Variants in GSTA3 observed in about 807,000 individuals in gnomAD.
GSTA3 encodes the protein glutathione S-transferase alpha 3, also known as glutathione S-transferase A3.
Under a neutral mutation model 23.1 loss-of-function variants are expected in GSTA3, and 16 were observed. The observed-to-expected ratio is 0.69, with a 90% CI of 0.47 to 1.05. The LOEUF (loss-of-function observed/expected upper bound fraction) is 1.05, where lower values mean the gene tolerates loss of function less well. Ranked by LOEUF, GSTA3 falls within the 50% of genes least tolerant of loss-of-function variation. The pLI, the probability that GSTA3 is intolerant of heterozygous loss-of-function variation, is 0.00. For synonymous variants in GSTA3, 122 were observed against 91.0 expected, an observed-to-expected ratio of 1.34 and a Z score of -1.94; for missense variants, 319 against 263.6, an observed-to-expected ratio of 1.21 and a Z score of -1.46.
At chr6:52,901,168 T>C (rs1428007191) in intron 4 of GSTA3, among the ~76,000 whole-genome samples, 4 of 152,226 alleles carry the variant, frequency 2.6e-5, no homozygotes, top group African/African-American at 9.6e-5. Flanking sequence ...AATTATAGTA[T>C]TCAGTCACTT....
intron 2 of GSTA3, 36 bp from the exon 3 acceptor site, chr6:52,903,763 T>C (rs1459506725): frequency 7.9e-7 from 1 of 1,272,534 alleles, no homozygotes; most frequent in Non-Finnish European, 1.1e-6. Flanking sequence ...TCTTGTTAGT[T>C]CGTTCCATAG....
rs1765608473 is a variant in GSTA3 at position 52,899,940 on chromosome 6, G to C, written c.408C>G (p.Phe136Leu). Reference protein sequence around the residue: ...EKTKSRYFPAFEKVLQSHGQD... With the variant: ...EKTKSRYFPALEKVLQSHGQD... ...GCTGAACAGCTTCACCTACTTTTTC[G>C]AAGGCAGGGAAATAGCGACTTTTTG... Residue 136 changes from phenylalanine (F) to leucine (L), a missense_variant, in exon 5 of 7, where the codon TTC (phenylalanine) becomes TTG (leucine). Transcript: ENST00000211122. 1 of 1,613,502 alleles carries C rather than the reference G, an allele frequency of 6.2e-7. No individual in the cohort carries two copies.
chr6:52,902,202 C>T, intron 4 of GSTA3, 144 bp downstream of exon 4: 2 of 896,278 alleles, frequency 2.2e-6, no homozygotes, highest in Non-Finnish European at 3.5e-6. Context: ...CCCCATGGGA[C>T]TCTGCAATAC....
chr6:52,901,750 C>T (rs1765693277), intron 4 of GSTA3, among the ~76,000 whole-genome samples: 2 of 152,212 alleles, frequency 1.3e-5, no homozygotes, highest in Non-Finnish European at 2.9e-5. Flanking sequence ...CCTATTGCAA[C>T]AGTGAGGAGA....
At chr6:52,900,098 G>A in intron 4 of GSTA3, 23 bp from the exon 5 acceptor site, 1 of 1,587,608 alleles carries the variant, frequency 6.3e-7, no homozygotes, top group East Asian at 2.3e-5. Context: ...AACAGCCAAA[G>A]CATCAAATGC....
intron 4 of GSTA3, among the ~76,000 whole-genome samples, chr6:52,901,876 G>A (rs999140370): frequency 2.0e-5 from 3 of 152,186 alleles, no homozygotes; most frequent in African/African-American, 7.2e-5. Context: ...AAGTTGACCA[G>A]TCCATATAAT....
Position 52,905,873 on chromosome 6 carries a change from A to T in GSTA3, c.-21-18T>A, listed in dbSNP as rs45489497. On this transcript the variant is annotated intron_variant, in intron 1 of 6. Coordinates refer to ENST00000211122, the MANE Select transcript of GSTA3 (RefSeq NM_000847.5). ...TGGTTTCTCTAAAATGAATGAATGA[A>T]TGCATGAATGGATGAATGAATGAGT... 1.4e-5 allele frequency: 16 copies of T among 1,184,842 alleles called. No individual in the cohort carries two copies. The South Asian group carries it at 2.0e-4, about 15-fold the overall frequency. The allele number at this position is 1,184,842 out of a possible 1,614,324, so 73.4% of individuals were successfully genotyped here. A position where few individuals can be genotyped will look rare whatever the true frequency, so the allele number is the denominator to read the frequency against.
intron 4 of GSTA3, among the ~76,000 whole-genome samples, chr6:52,901,279 C>T (rs1765675327): frequency 6.6e-6 from 1 of 152,170 alleles, no homozygotes. Context: ...TATTCATTTT[C>T]CCCAAACCCC....
chr6:52,908,777 G>C (rs1487354519), intron 1 of GSTA3, among the ~76,000 whole-genome samples: 3 of 152,162 alleles, frequency 2.0e-5, no homozygotes, highest in Non-Finnish European at 4.4e-5. Context: ...CTGTTGGACA[G>C]GGAATATAAC....
intron 1 of GSTA3, among the ~76,000 whole-genome samples, chr6:52,908,587 C>A (rs1765971518): frequency 6.6e-6 from 1 of 152,188 alleles, no homozygotes; most frequent in South Asian, 2.1e-4. Context: ...TTATGAAACC[C>A]ACCAATCTGC....
chr6:52,902,055 A>T (rs1256474460), intron 4 of GSTA3, among the ~76,000 whole-genome samples: 2 of 152,156 alleles, frequency 1.3e-5, no homozygotes, highest in African/African-American at 4.8e-5. Flanking sequence ...GAGCACCTGG[A>T]ATCATTATTC....
intron 6 of GSTA3, among the ~76,000 whole-genome samples, chr6:52,897,522 T>A (rs1272250890): frequency 1.3e-5 from 2 of 152,138 alleles, no homozygotes; most frequent in South Asian, 2.1e-4. Context: ...ATAAAGGGAA[T>A]CACAGAACTC....
chr6:52,896,986 A>G, intron 6 of GSTA3, 58 bp from the exon 7 acceptor site: 1 of 1,605,412 alleles, frequency 6.2e-7, no homozygotes, highest in Non-Finnish European at 8.5e-7. Context: ...CACCATTAAT[A>G]CCACCCAGGG....
At chr6:52,906,544 A>C (rs1765895571) in intron 1 of GSTA3, among the ~76,000 whole-genome samples, 1 of 152,238 alleles carries the variant, frequency 6.6e-6, no homozygotes, top group African/African-American at 2.4e-5. Context: ...GAGGCATCAC[A>C]CTATCTCACT....
At chr6:52,899,102 AGAGCAGGTAATCGGAATGGGTCAGGGTG>A (rs1765577991) in intron 5 of GSTA3, among the ~76,000 whole-genome samples, 4 of 151,996 alleles carry the variant, frequency 2.6e-5, no homozygotes, top group Non-Finnish European at 5.9e-5. Flanking sequence ...GAGTTAGGGT[AGAGCAGGTAATCGGAATGGGTCAGGGTG>A]GAGCAGGTGA....
intron 2 of GSTA3, among the ~76,000 whole-genome samples, chr6:52,904,688 C>G (rs1352321809): frequency 8.5e-5 from 13 of 152,132 alleles, no homozygotes; most frequent in Non-Finnish European, 1.6e-4. Flanking sequence ...GAGGAAAACC[C>G]TCAGGCAGTT....
At chr6:52,909,315 T>C (rs948058479) in intron 1 of GSTA3, among the ~76,000 whole-genome samples, 1 of 152,208 alleles carries the variant, frequency 6.6e-6, no homozygotes, top group African/African-American at 2.4e-5. Flanking sequence ...GAATACATGT[T>C]TTTAATAAAC....
chr6:52,902,569 T>C (rs1765728242), intron 3 of GSTA3, 91 bp from the exon 4 acceptor site: 2 of 1,318,408 alleles, frequency 1.5e-6, no homozygotes, highest in Admixed American at 2.2e-5. Flanking sequence ...ACTGAGGTTA[T>C]AAAATGAAAA....
Position 52,896,926 on chromosome 6 carries a change from G to C in GSTA3, c.549C>G (p.Ala183=), listed in dbSNP as rs1301357669. ...SLISNFPLLK[A]LKTRISNLPT... ...GCAGGTTGCTGATTCTGGTTTTCAGGGCCTGTAATTCACAAAGCACAGCCT... is the reference window on the plus strand; with the variant it reads ...GCAGGTTGCTGATTCTGGTTTTCAGCGCCTGTAATTCACAAAGCACAGCCT... Residue 183 remains alanine, a splice_region_variant and synonymous_variant, in exon 7 of 7, where the codon GCC becomes GCG. Coordinates refer to ENST00000211122, the MANE Select transcript of GSTA3 (RefSeq NM_000847.5). 1.2e-6 allele frequency: 2 copies of C among 1,613,676 alleles called. No homozygotes were observed. Among genetic ancestry groups the C allele is most frequent in the African/African-American group, 2.7e-5 (2 of 74,878 alleles).
Sources: gnomAD v4.1 joint callset for allele counts (sites outside exome capture counted in the v4.1 genomes callset) on GRCh38, gnomAD v4.1.1 for gene constraint, MANE v1.5 for transcripts, NCBI Gene and HGNC (gene_info 2026-07-23, HGNC 2026-07-21) for gene names.